The following NTNG2 variants were observed in gnomAD, a reference collection of about 807,000 sequenced individuals.
NTNG2 encodes the protein netrin-G2.
NTNG2 carries 15 observed loss-of-function variants against 47.6 expected under a neutral mutation model. The observed-to-expected ratio is 0.32, with a 90% CI of 0.21 to 0.49. The LOEUF (loss-of-function observed/expected upper bound fraction) is 0.49, where lower values mean the gene tolerates loss of function less well. Ranked by LOEUF, NTNG2 falls within the 20% of genes least tolerant of loss-of-function variation. The pLI is 0.99. For synonymous variants in NTNG2, 307 were observed against 324.6 expected, an observed-to-expected ratio of 0.95 and a Z score of 0.58; for missense variants, 578 against 764.6, an observed-to-expected ratio of 0.76 and a Z score of 2.88.
intron 4 of NTNG2, among the ~76,000 whole-genome samples, chr9:132,228,900 G>C (rs1278709408): frequency 6.6e-6 from 1 of 152,030 alleles, no homozygotes; most frequent in Non-Finnish European, 1.5e-5. Flanking sequence ...CGCCTGGAGG[G>C]TTCTGCCCAT....
At chr9:132,230,639 G>C in intron 5 of NTNG2, 44 bp downstream of exon 5, 1 of 1,594,760 alleles carries the variant, frequency 6.3e-7, no homozygotes, top group Non-Finnish European at 8.6e-7. Flanking sequence ...CCCACTGCAC[G>C]AGCCTCTTTG....
rs1841967717 is a variant in NTNG2 at position 132,241,271 on chromosome 9, C to T, written c.1357+227C>T. ...GGCAGTGGGTGGGGCCTAGTGAGAG[C>T]GGGGCAGGGTTGGGATAGTTGGCAG... On this transcript the variant is annotated intron_variant, in intron 7 of 7. Coordinates refer to ENST00000393229, the MANE Select transcript of NTNG2 (RefSeq NM_032536.4). 2.1e-5 allele frequency among the ~76,000 whole-genome samples: 3 copies of T among 140,898 alleles called. No homozygotes were observed. The South Asian group carries it at 6.8e-4, about 32-fold the overall frequency. 92.4% of individuals were successfully genotyped at this position (140,898 alleles called of 152,430 possible).
chr9:132,215,083 G>C lies in NTNG2; in HGVS notation c.858-11766G>C, dbSNP rs536147935. Among the ~76,000 whole-genome samples the C allele has an allele frequency of 1.3e-5, 2 of 149,926 alleles. No homozygotes were observed. Among genetic ancestry groups the C allele is most frequent in the African/African-American group, 2.4e-5 (1 of 41,096 alleles). On this transcript the variant is annotated intron_variant, in intron 3 of 7. Transcript: ENST00000393229. This position sits in a 1 kb window ranked among gnomAD's most constrained non-coding sequence, Gnocchi z 4.2. The stretch of plus-strand genomic sequence containing the variant: ...TTAATTTTTTTGTAGAGATTGGGGG[G>C]GGGGGTCTCACTTTCTTGCCCAGGC...
At chr9:132,224,452 A>T (rs780587259) in intron 3 of NTNG2, among the ~76,000 whole-genome samples, 22 of 152,080 alleles carry the variant, frequency 1.4e-4, no homozygotes, top group Non-Finnish European at 2.8e-4. Flanking sequence ...CCTGTGTGCC[A>T]CCTATTTATC....
chr9:132,205,006 C>T (rs1839060579), intron 3 of NTNG2, among the ~76,000 whole-genome samples: 1 of 152,170 alleles, frequency 6.6e-6, no homozygotes, highest in South Asian at 2.1e-4. Context: ...AAAATCGGAA[C>T]CTTCATGCAT....
chr9:132,241,844 C>T lies in NTNG2; in HGVS notation c.1358-32C>T, dbSNP rs374514879. 3.6e-3 allele frequency: 5,368 copies of T among 1,476,464 alleles called. 12 individuals are homozygous for T. Among genetic ancestry groups the T allele is most frequent in the Non-Finnish European group, 4.2e-3 (4,596 of 1,097,342 alleles). 91.5% of individuals were successfully genotyped at this position (1,476,464 alleles called of 1,614,324 possible). ...GGAGGTTGGCGGGGGGACCGGGCCACCCCCCGTGCTGACCGCCCCCTCCGC... is the reference window on the plus strand; with the variant it reads ...GGAGGTTGGCGGGGGGACCGGGCCATCCCCCGTGCTGACCGCCCCCTCCGC... On this transcript the variant is annotated intron_variant, in intron 7 of 7. Coordinates refer to ENST00000393229, the MANE Select transcript of NTNG2 (RefSeq NM_032536.4).
chr9:132,196,098 A>C (rs1193695833), intron 2 of NTNG2, among the ~76,000 whole-genome samples: 1 of 152,076 alleles, frequency 6.6e-6, no homozygotes, highest in East Asian at 2.0e-4. Flanking sequence ...TTGATACATT[A>C]TTATTAACTA....
At chr9:132,201,104 C>T (rs1200289385) in intron 3 of NTNG2, among the ~76,000 whole-genome samples, 2 of 152,238 alleles carry the variant, frequency 1.3e-5, no homozygotes, top group Admixed American at 1.3e-4. Flanking sequence ...TAAGGTGGCT[C>T]ATGTGGGGCC....
intron 2 of NTNG2, among the ~76,000 whole-genome samples, chr9:132,167,262 T>A (rs1175030202): frequency 2.6e-5 from 4 of 152,148 alleles, no homozygotes; most frequent in African/African-American, 9.7e-5. Flanking sequence ...CATGTGACAT[T>A]GTTCTCTGGG....
chr9:132,198,428 G>A lies in NTNG2; in HGVS notation c.676G>A (p.Asp226Asn), dbSNP rs766504033. ...CCGCTTCGCCATCTTTGCCGGCCCC[G>A]ACCTGCGCAACATGGACAACCTCTA... ...RDRFAIFAGP[D>N]LRNMDNLYTR... Residue 226 changes from aspartate to asparagine, a missense_variant, in exon 3 of 8, where the codon GAC becomes AAC. Coordinates refer to ENST00000393229, the MANE Select transcript of NTNG2 (RefSeq NM_032536.4). 13 of 1,613,100 alleles carry A rather than the reference G, an allele frequency of 8.1e-6. No individual in the cohort carries two copies. The East Asian group carries it at 1.1e-4, about 14-fold the overall frequency.
At chr9:132,220,545 G>A (rs1173544840) in intron 3 of NTNG2, among the ~76,000 whole-genome samples, 1 of 150,386 alleles carries the variant, frequency 6.6e-6, no homozygotes, top group Non-Finnish European at 1.5e-5. Flanking sequence ...TCTGCCTCCT[G>A]GGTTCAAGTG....
chr9:132,230,749 T>C (rs1841146380), intron 5 of NTNG2, among the ~76,000 whole-genome samples, 154 bp downstream of exon 5: 1 of 151,900 alleles, frequency 6.6e-6, no homozygotes, highest in Non-Finnish European at 1.5e-5. Flanking sequence ...CATCTGCTTC[T>C]CCACCTCTCC....
chr9:132,190,289 C>T (rs1027208302), intron 2 of NTNG2, among the ~76,000 whole-genome samples: 9 of 145,470 alleles, frequency 6.2e-5, no homozygotes, highest in East Asian at 2.1e-4. Flanking sequence ...ATGTCCTGGG[C>T]TTCATTGGGC....
In NTNG2 at chr9:132,241,457, T is replaced by G. The variant is rs2131059863; in HGVS notation, c.1357+413T>G. 1.9e-5 allele frequency: 6 copies of G among 322,474 alleles called. No homozygotes were observed. The South Asian group carries it at 2.4e-4, about 13-fold the overall frequency. The allele number at this position is 322,474 out of a possible 1,614,324, so 20.0% of individuals were successfully genotyped here. ...CCTGATGCGACCTGAGGCACGGTGG[T>G]GCCTGGTGGGAACTACGAGAAAGAC... On this transcript the variant is annotated intron_variant, in intron 7 of 7. Transcript: ENST00000393229.
intron 2 of NTNG2, among the ~76,000 whole-genome samples, chr9:132,184,186 C>G (rs1288453122): frequency 6.6e-6 from 1 of 152,216 alleles, no homozygotes; most frequent in African/African-American, 2.4e-5. Context: ...TTCATCGGCC[C>G]CACCGCCTCT....
intron 3 of NTNG2, among the ~76,000 whole-genome samples, chr9:132,210,868 T>C (rs1564421482): frequency 6.6e-6 from 1 of 151,950 alleles, no homozygotes; most frequent in Non-Finnish European, 1.5e-5. Flanking sequence ...TGTTTTAGAC[T>C]CACAGATGCT....
intron 3 of NTNG2, among the ~76,000 whole-genome samples, chr9:132,222,011 C>T (rs1840386609): frequency 6.6e-6 from 1 of 152,232 alleles, no homozygotes; most frequent in Admixed American, 6.5e-5. Context: ...AGGTGTTCCT[C>T]TCCAGCCAGC....
At position 132,231,427 on chromosome 9, in the gene NTNG2, TCCA is replaced by T. The variant is rs1841214024; in HGVS notation, c.1054+836_1054+838del. On this transcript the variant is annotated intron_variant, in intron 5 of 7. Transcript: ENST00000393229. The surrounding 1 kb of genome is among the most constrained non-coding windows in gnomAD (Gnocchi z 4.1). The stretch of plus-strand genomic sequence containing the variant: ...ATGCTTCTGGGGTGCACCGTCACCC[TCCA>T]CCAGGGCTCTGTGGGGCCCCACATC... 1 of 439,164 alleles carries T rather than the reference TCCA, an allele frequency of 2.3e-6. No individual in the cohort carries two copies. The allele number at this position is 439,164 out of a possible 1,614,324, so 27.2% of individuals were successfully genotyped here.
chr9:132,162,571 TGTG>T lies in NTNG2; in HGVS notation c.-484+333_-484+335del, dbSNP rs1835138689. Among the ~76,000 whole-genome samples the T allele has an allele frequency of 2.3e-5, 1 of 43,766 alleles. No homozygotes were observed. Among genetic ancestry groups the T allele is most frequent in the Non-Finnish European group, 4.6e-5 (1 of 21,662 alleles). 28.7% of individuals were successfully genotyped at this position (43,766 alleles called of 152,430 possible). ...GTGTGTGTGTGAGAGAGAGACAGAG[TGTG>T]TGTGTGTGTGTGTGTGTGTGTGTGT... On this transcript the variant is annotated intron_variant, in intron 1 of 7. Transcript: ENST00000393229. The surrounding 1 kb of genome is among the most constrained non-coding windows in gnomAD (Gnocchi z 4.6).
Sources: gnomAD v4.1 joint callset for allele counts (sites outside exome capture counted in the v4.1 genomes callset) on GRCh38, gnomAD v4.1.1 for gene constraint, Gnocchi (gnomAD v3.1) non-coding constraint, MANE v1.5 for transcripts, NCBI Gene and HGNC (gene_info 2026-07-23, HGNC 2026-07-21) for gene names.